SARNP: variants seen among roughly 807,000 people sequenced by gnomAD.
The protein encoded by SARNP is SAP domain-containing ribonucleoprotein.
In SARNP, 5 loss-of-function variants were observed where a neutral mutation model predicts 38.1. The ratio of observed to expected loss-of-function variants is 0.13; its 90% CI spans 0.07 to 0.28. The LOEUF (loss-of-function observed/expected upper bound fraction) is 0.28. Among genes scored for constraint, SARNP ranks in the 10% least tolerant of loss-of-function variants. The pLI is 1.00. For missense variants in SARNP, 180 were observed against 243.9 expected (o/e 0.74, Z 1.75); for synonymous variants, 84 against 80.6 (o/e 1.04, Z -0.23).
chr12:55,756,725 CG>C (rs1270970461), downstream of SARNP: 1 of 152,206 alleles, frequency 6.6e-6, no homozygotes, highest in African/African-American at 2.4e-5. Flanking sequence ...GCTAACAATG[CG>C]TAACAGCTCT....
chr12:55,786,664 TG>T (rs1190312060), intron 9 of SARNP, among the ~76,000 whole-genome samples: 1 of 152,030 alleles, frequency 6.6e-6, no homozygotes, highest in East Asian at 1.9e-4. Context: ...TTGGCCAGGC[TG>T]GTCTTGAACT....
intron 9 of SARNP, among the ~76,000 whole-genome samples, chr12:55,787,454 T>A (rs1175030453): frequency 1.3e-5 from 2 of 152,206 alleles, no homozygotes; most frequent in Non-Finnish European, 2.9e-5. Context: ...TTTCTTTTTT[T>A]GAGACAGAGT....
rs370359310 is a variant in SARNP at position 55,803,723 on chromosome 12, G to T, written c.42C>A (p.Ala14=). 195 of 1,610,848 alleles carry T rather than the reference G, an allele frequency of 1.2e-4. No individual in the cohort carries two copies. The highest frequency in any genetic ancestry group is 1.5e-4 in the Non-Finnish European group (172 of 1,177,828). Residue 14 remains alanine, a synonymous_variant, in exon 2 of 11, where the codon GCC becomes GCA. Transcript: ENST00000336133. The part of the protein sequence containing the change: ...ETVELHKLKL[A]ELKQECLARG... ...GAGCAAGACATTCTTGCTTTAGTTC[G>T]GCAAGCTGAGGGGAAAAAAATAAAA...
intron 1 of SARNP, 82 bp downstream of exon 1, chr12:55,817,584 A>C (rs1880534728): frequency 7.6e-7 from 1 of 1,321,730 alleles, no homozygotes; most frequent in Non-Finnish European, 1.1e-6. Context: ...TGCACGGAGA[A>C]GACGTAGGAG....
At chr12:55,789,921 G>A (rs1280001659) in intron 8 of SARNP, among the ~76,000 whole-genome samples, 3 of 136,916 alleles carry the variant, frequency 2.2e-5, no homozygotes, top group Non-Finnish European at 4.6e-5. Flanking sequence ...TCCAGCCTGG[G>A]CAAAAGAATG....
At chr12:55,795,587 T>C (rs1276653003) in intron 5 of SARNP, among the ~76,000 whole-genome samples, 1 of 152,170 alleles carries the variant, frequency 6.6e-6, no homozygotes, top group Non-Finnish European at 1.5e-5. Context: ...TAAAAGAGTT[T>C]AATAATTCTC....
intron 9 of SARNP, among the ~76,000 whole-genome samples, chr12:55,774,492 G>T (rs1879102936): frequency 6.7e-6 from 1 of 149,974 alleles, no homozygotes; most frequent in Non-Finnish European, 1.5e-5. Flanking sequence ...GGCCTACGTG[G>T]GTGGATCACT....
rs367567703 is a variant in SARNP at position 55,803,715 on chromosome 12, T to C, written c.50A>G (p.Lys17Arg). Reference sequence around the variant, plus strand: ...CAAACCACGAGCAAGACATTCTTGCTTTAGTTCGGCAAGCTGAGGGGAAAA... The same window carrying C: ...CAAACCACGAGCAAGACATTCTTGCCTTAGTTCGGCAAGCTGAGGGGAAAA... ...ELHKLKLAELKQECLARGLET... is the reference protein window; with the variant it reads ...ELHKLKLAELRQECLARGLET... The change falls in exon 2 of 11, where the codon AAG becomes AGG. Residue 17 changes from lysine (K) to arginine (R), a missense_variant. Transcript: ENST00000336133. 19 of 1,612,896 alleles carry C rather than the reference T, an allele frequency of 1.2e-5. No individual in the cohort carries two copies. The African/African-American group carries it at 2.5e-4, about 22-fold the overall frequency.
At chr12:55,784,847 T>C (rs546617197) in intron 9 of SARNP, among the ~76,000 whole-genome samples, 119 of 152,328 alleles carry the variant, frequency 7.8e-4, no homozygotes, top group African/African-American at 2.4e-3. Context: ...TTAGGATAGT[T>C]CTGAAAATCA....
intron 9 of SARNP, among the ~76,000 whole-genome samples, chr12:55,771,771 G>GT (rs766002202): frequency 4.3e-4 from 66 of 152,298 alleles, no homozygotes; most frequent in Admixed American, 1.1e-3. Context: ...CCAAAGGAAT[G>GT]TAAGGTAGCA....
intron 2 of SARNP, among the ~76,000 whole-genome samples, chr12:55,802,707 C>T (rs1482660130): frequency 6.6e-6 from 1 of 151,026 alleles, no homozygotes; most frequent in East Asian, 1.9e-4. Context: ...AAATATATAA[C>T]ACTCAACCCA....
intron 9 of SARNP, among the ~76,000 whole-genome samples, chr12:55,775,528 C>CAA (rs1170184393): frequency 1.5e-4 from 8 of 53,392 alleles, no homozygotes; most frequent in Admixed American, 1.8e-4. Flanking sequence ...CGCTCTGTCT[C>CAA]AAAAAAAAAA....
At chr12:55,794,167 C>CTGTTA in intron 7 of SARNP, 192 bp downstream of exon 7, 1 of 584,932 alleles carries the variant, frequency 1.7e-6, no homozygotes, top group South Asian at 2.0e-5. Flanking sequence ...CCTCTCATAA[C>CTGTTA]ATTCAGTATC....
chr12:55,769,642 A>G (rs1364948352), intron 9 of SARNP, among the ~76,000 whole-genome samples: 1 of 152,232 alleles, frequency 6.6e-6, no homozygotes, highest in African/African-American at 2.4e-5. Context: ...GAACATACAA[A>G]TGGTCTCCAA....
At chr12:55,816,169 C>A (rs138399416) in intron 1 of SARNP, among the ~76,000 whole-genome samples, 1 of 152,150 alleles carries the variant, frequency 6.6e-6, no homozygotes, top group East Asian at 1.9e-4. Context: ...AGTAAGTCAT[C>A]GGGCAGCTGG....
intron 9 of SARNP, 44 bp downstream of exon 9, chr12:55,789,031 G>T: frequency 1.5e-6 from 2 of 1,317,914 alleles, no homozygotes; most frequent in Non-Finnish European, 2.2e-6. Context: ...CCCATAAGCT[G>T]CTCTAATGTC....
chr12:55,800,686 A>G lies in SARNP; in HGVS notation c.184-57T>C, dbSNP rs1592577947. ...AAATCTAAAGAATAAATATCTATCAAAAGAAGAACATCAGAACTCCAAAAT... is the reference window on the plus strand; with the variant it reads ...AAATCTAAAGAATAAATATCTATCAGAAGAAGAACATCAGAACTCCAAAAT... On this transcript the variant is annotated intron_variant, in intron 3 of 10. Transcript: ENST00000336133. 24 of 1,431,598 alleles carry G rather than the reference A, an allele frequency of 1.7e-5. No individual in the cohort carries two copies. In the East Asian group the frequency reaches 5.0e-4, roughly 30 times the overall value. The allele number at this position is 1,431,598 out of a possible 1,614,324, so 88.7% of individuals were successfully genotyped here. A position where few individuals can be genotyped will look rare whatever the true frequency, so the allele number is the denominator to read the frequency against.
chr12:55,771,675 A>G (rs2136183681), intron 9 of SARNP, among the ~76,000 whole-genome samples: 1 of 152,328 alleles, frequency 6.6e-6, no homozygotes, highest in Admixed American at 6.5e-5. Flanking sequence ...AAGATGTCAT[A>G]TTTCACAAAA....
intron 1 of SARNP, among the ~76,000 whole-genome samples, chr12:55,817,057 T>C (rs1880510841): frequency 1.3e-5 from 2 of 151,964 alleles, no homozygotes; most frequent in Non-Finnish European, 2.9e-5. Context: ...AAATCTGAGG[T>C]GTCTGTACTT....
Sources: allele counts gnomAD v4.1 joint callset (sites outside exome capture counted in the v4.1 genomes callset), GRCh38; gene constraint gnomAD v4.1.1; transcripts MANE v1.5; gene names NCBI Gene and HGNC (gene_info 2026-07-23, HGNC 2026-07-21).